KCNQ1: variants seen among roughly 807,000 people sequenced by gnomAD.
The protein encoded by KCNQ1 is potassium voltage-gated channel subfamily Q member 1, also known as potassium voltage-gated channel subfamily KQT member 1.
A neutral mutation model predicts 72.4 loss-of-function variants in KCNQ1; 49 were observed. That is an observed-to-expected ratio of 0.68 (90% CI 0.54 to 0.86). KCNQ1 has a LOEUF of 0.86. KCNQ1 is among the 40% of genes least tolerant of loss of function. The probability of loss-of-function intolerance (pLI) is 0.00; values close to 1 mark genes in which losing one functional copy is unlikely to be tolerated. For synonymous variants in KCNQ1, 450 were observed against 412.6 expected (o/e 1.09, Z -1.10); for missense variants, 790 against 945.1 (o/e 0.84, Z 2.15).
rs114294036 is a variant in KCNQ1, at chr11:2,593,725, G to C, written c.1393+4871G>C. ...CTCTCACTTCTGCACTTGTGAGCCT[G>C]GTTCTCACAGGGTCAGGCTGTAGCC... On this transcript the variant is annotated intron_variant, in intron 10 of 15. Coordinates refer to ENST00000155840, the MANE Select transcript of KCNQ1 (RefSeq NM_000218.3). This position sits in a 1 kb window ranked among gnomAD's most constrained non-coding sequence, Gnocchi z 6.9. Among the ~76,000 whole-genome samples, 82 of 152,284 alleles carry C rather than the reference G, an allele frequency of 5.4e-4. No homozygotes were observed. The highest frequency in any genetic ancestry group is 1.9e-3 in the African/African-American group (78 of 41,572).
chr11:2,697,040 T>G, intron 11 of KCNQ1: 1 of 398,594 alleles, frequency 2.5e-6, no homozygotes, highest in Non-Finnish European at 4.4e-6. Flanking sequence ...CCCCAGACCC[T>G]TTCAGGAAAG....
intron 12 of KCNQ1, among the ~76,000 whole-genome samples, chr11:2,775,272 T>C (rs146053558): frequency 7.2e-5 from 11 of 152,338 alleles, no homozygotes; most frequent in African/African-American, 2.2e-4. Context: ...TTTCAAGATG[T>C]CACCTGAGTC....
At chr11:2,823,212 G>A (rs971926209) in intron 15 of KCNQ1, among the ~76,000 whole-genome samples, 5 of 152,152 alleles carry the variant, frequency 3.3e-5, no homozygotes, top group Non-Finnish European at 7.3e-5. Context: ...AGTAACAGGT[G>A]ATTTTCCAAA....
rs1197780219 is a variant in KCNQ1, at chr11:2,564,588, C to G, written c.478-6040C>G. Among the ~76,000 whole-genome samples the G allele has an allele frequency of 6.6e-6, 1 of 152,218 alleles. No individual in the cohort carries two copies. Among genetic ancestry groups the G allele is most frequent in the African/African-American group, 2.4e-5 (1 of 41,458 alleles). ...CCTGCCTGGGCAACAGAGCAAGACT[C>G]TATCTCAAAATAAAATAAAATGGAA... On this transcript the variant is annotated intron_variant, in intron 2 of 15. Coordinates refer to ENST00000155840, the MANE Select transcript of KCNQ1 (RefSeq NM_000218.3). The surrounding 1 kb of genome is among the most constrained non-coding windows in gnomAD (Gnocchi z 4.5).
rs926637507 is a variant in KCNQ1 at position 2,562,821 on chromosome 11, C to T, written c.478-7807C>T. ...GCATCCTTGACCCTGGCCCCTTCCA[C>T]AAAGCTCAGCTCTGATCCTTCGTAT... On this transcript the variant is annotated intron_variant, in intron 2 of 15. Coordinates refer to ENST00000155840, the MANE Select transcript of KCNQ1 (RefSeq NM_000218.3). This position sits in a 1 kb window ranked among gnomAD's most constrained non-coding sequence, Gnocchi z 7.5. 6.6e-6 allele frequency among the ~76,000 whole-genome samples: 1 copy of T among 152,216 alleles called. No homozygotes were observed. The highest frequency in any genetic ancestry group is 2.4e-5 in the African/African-American group (1 of 41,462).
Position 2,495,806 on chromosome 11 carries a change from A to G in KCNQ1, c.387-32122A>G, listed in dbSNP as rs945738490. ...TGCTATGTGATGCTGAGAACAATGT[A>G]CATTCTCTTGATTTGGGGTGGAAAG... is the stretch of plus-strand genomic sequence containing the variant. On this transcript the variant is annotated intron_variant, in intron 1 of 15. Transcript: ENST00000155840. The surrounding 1 kb of genome is among the most constrained non-coding windows in gnomAD (Gnocchi z 4.6). Among the ~76,000 whole-genome samples, 3 of 152,198 alleles carry G rather than the reference A, an allele frequency of 2.0e-5. No individual in the cohort carries two copies. The highest frequency in any genetic ancestry group is 6.5e-5 in the Admixed American group (1 of 15,274).
At chr11:2,524,021 T>C (rs1288705898) in intron 1 of KCNQ1, among the ~76,000 whole-genome samples, 1 of 151,628 alleles carries the variant, frequency 6.6e-6, no homozygotes, top group Non-Finnish European at 1.5e-5. Context: ...TGTGAACAAG[T>C]TAGGTTGTGT....
intron 11 of KCNQ1, chr11:2,693,277 C>G (rs1435432171): frequency 2.5e-6 from 1 of 398,618 alleles, no homozygotes; most frequent in Non-Finnish European, 4.4e-6. Context: ...AACTCAGATG[C>G]ACACCCTCCA....
chr11:2,722,694 A>T (rs1335484015), intron 11 of KCNQ1, among the ~76,000 whole-genome samples: 1 of 151,996 alleles, frequency 6.6e-6, no homozygotes, highest in Admixed American at 6.6e-5. Flanking sequence ...GTTGGGAGTC[A>T]TGACCTGTTT....
chr11:2,774,246 C>T (rs186924312), intron 12 of KCNQ1, among the ~76,000 whole-genome samples: 5 of 152,332 alleles, frequency 3.3e-5, no homozygotes, highest in Non-Finnish European at 5.9e-5. Context: ...TACATAAGTA[C>T]GGTTTTTACG....
intron 15 of KCNQ1, among the ~76,000 whole-genome samples, chr11:2,806,151 T>G (rs574344910): frequency 3.3e-5 from 5 of 152,252 alleles, no homozygotes; most frequent in Admixed American, 3.3e-4. Context: ...TTACAGAAAA[T>G]GCCCGGAAAC....
At position 2,567,714 on chromosome 11, in the gene KCNQ1, C is replaced by A. The variant is rs968744469; in HGVS notation, c.478-2914C>A. 6.6e-6 allele frequency among the ~76,000 whole-genome samples: 1 copy of A among 152,226 alleles called. No individual in the cohort carries two copies. The highest frequency in any genetic ancestry group is 2.4e-5 in the African/African-American group (1 of 41,462). ...GCAGCCTTGCACTGCCTTCCCACAT[C>A]CAGCTGGATTTGGGGATCAGTGTTG... is the stretch of plus-strand genomic sequence containing the variant. On this transcript the variant is annotated intron_variant, in intron 2 of 15. Transcript: ENST00000155840. The surrounding 1 kb of genome is among the most constrained non-coding windows in gnomAD (Gnocchi z 6.6).
chr11:2,583,457 A>G lies in KCNQ1; in HGVS notation c.944A>G (p.Tyr315Cys), dbSNP rs74462309. 3 of 1,613,462 alleles carry G rather than the reference A, an allele frequency of 1.9e-6. No homozygotes were observed. The highest frequency in any genetic ancestry group is 2.5e-6 in the Non-Finnish European group (3 of 1,179,530). Residue 315 changes from tyrosine (Y) to cysteine (C), a missense_variant, in exon 7 of 16, where the codon TAT becomes TGT. Tyr to Cys is a radical substitution (Grantham distance 194, BLOSUM62 -2). Transcript: ENST00000155840. Reference sequence around the variant, plus strand: ...CAGGTCACAGTCACCACCATCGGCTATGGGGACAAGGTGCCCCAGACGTGG... The same window carrying G: ...CAGGTCACAGTCACCACCATCGGCTGTGGGGACAAGGTGCCCCAGACGTGG... ...WGVVTVTTIG[Y>C]GDKVPQTWVG...
chr11:2,584,673 GTGTT>G (rs1451671274), intron 7 of KCNQ1, among the ~76,000 whole-genome samples: 4 of 151,956 alleles, frequency 2.6e-5, no homozygotes, highest in East Asian at 1.9e-4. Flanking sequence ...GTGTGGGTTA[GTGTT>G]TGTGTGTGTG....
chr11:2,470,464 G>T (rs952509950), intron 1 of KCNQ1, among the ~76,000 whole-genome samples: 1 of 152,170 alleles, frequency 6.6e-6, no homozygotes, highest in African/African-American at 2.4e-5. Context: ...ATCCCAGGGA[G>T]GCGGAAGAAC....
intron 1 of KCNQ1, among the ~76,000 whole-genome samples, chr11:2,476,806 C>G (rs755148964): frequency 6.6e-6 from 1 of 152,218 alleles, no homozygotes; most frequent in East Asian, 1.9e-4. Context: ...CCCCCCTCAG[C>G]CTCCCAAGTA....
chr11:2,822,022 G>T (rs1159050651), intron 15 of KCNQ1, among the ~76,000 whole-genome samples: 2 of 152,232 alleles, frequency 1.3e-5, no homozygotes. Flanking sequence ...GTCCTTCTAA[G>T]AGGGAGGCAG....
Position 2,497,416 on chromosome 11 carries a change from G to A in KCNQ1, c.387-30512G>A, listed in dbSNP as rs1262469479. Among the ~76,000 whole-genome samples, 2 of 151,942 alleles carry A rather than the reference G, an allele frequency of 1.3e-5. No homozygotes were observed. Among genetic ancestry groups the A allele is most frequent in the African/African-American group, 4.8e-5 (2 of 41,354 alleles). ...TCTGCATGCCTTATTTCGTTAAGTT[G>A]ATCTTCAATCTCTGATATCCTTTCT... On this transcript the variant is annotated intron_variant, in intron 1 of 15. Coordinates refer to ENST00000155840, the MANE Select transcript of KCNQ1 (RefSeq NM_000218.3). The surrounding 1 kb of genome is among the most constrained non-coding windows in gnomAD (Gnocchi z 4.5).
Position 2,676,733 on chromosome 11 carries a change from T to A in KCNQ1, c.1514+14652T>A, listed in dbSNP as rs141131181. On this transcript the variant is annotated intron_variant, in intron 11 of 15. Transcript: ENST00000155840. This position sits in a 1 kb window ranked among gnomAD's most constrained non-coding sequence, Gnocchi z 4.2. ...ATAACCAAGTCATATGCATAGTGGC[T>A]TTGGGTACGATGGTCTGCTGTATGA... 139 of 398,632 alleles carry A rather than the reference T, an allele frequency of 3.5e-4. No homozygotes were observed. In the East Asian group the frequency reaches 3.9e-3, roughly 11 times the overall value. 24.7% of individuals were successfully genotyped at this position (398,632 alleles called of 1,614,324 possible). A position where few individuals can be genotyped will look rare whatever the true frequency, so the allele number is the denominator to read the frequency against.
Sources: gnomAD v4.1 joint callset for allele counts (sites outside exome capture counted in the v4.1 genomes callset) on GRCh38, gnomAD v4.1.1 for gene constraint, Gnocchi (gnomAD v3.1) non-coding constraint, MANE v1.5 for transcripts, NCBI Gene and HGNC (gene_info 2026-07-23, HGNC 2026-07-21) for gene names.